Variants in TSPAN9 observed in about 807,000 individuals in gnomAD.
The protein encoded by TSPAN9 is tetraspanin-9.
In TSPAN9, 16 loss-of-function variants were observed where a neutral mutation model predicts 31.0. The observed-to-expected ratio is 0.52, with a 90% CI of 0.35 to 0.78. The LOEUF (loss-of-function observed/expected upper bound fraction) is 0.78. Among genes scored for constraint, TSPAN9 ranks in the 30% least tolerant of loss-of-function variants. The probability of loss-of-function intolerance (pLI) is 0.01; values close to 1 mark genes in which losing one functional copy is unlikely to be tolerated. For synonymous variants in TSPAN9, 145 were observed against 121.6 expected (o/e 1.19, Z -1.27); for missense variants, 272 against 312.5 (o/e 0.87, Z 0.98).
rs148244445 is a variant in TSPAN9, at chr12:3,143,043, A to G, written c.-17-58134A>G. Among the ~76,000 whole-genome samples the G allele has an allele frequency of 3.8e-3, 572 of 151,714 alleles. 2 individuals carry two copies. Among genetic ancestry groups the G allele is most frequent in the African/African-American group, 0.013 (549 of 41,314 alleles). On this transcript the variant is annotated intron_variant, in intron 2 of 8. Transcript: ENST00000011898. The surrounding 1 kb of genome is among the most constrained non-coding windows in gnomAD (Gnocchi z 4.2). ...GTTTTTCACTCTGGCTCTGTCTGGC[A>G]TTTTCTCATGGTTAGACTGAGGTTC...
chr12:3,111,518 A>C (rs2098318668), intron 2 of TSPAN9, among the ~76,000 whole-genome samples: 1 of 152,056 alleles, frequency 6.6e-6, no homozygotes, highest in Non-Finnish European at 1.5e-5. Context: ...TGAGATATGT[A>C]TTTAAAACTG....
At position 3,168,115 on chromosome 12, in the gene TSPAN9, C is replaced by T. The variant is rs141653191; in HGVS notation, c.-17-33062C>T. Among the ~76,000 whole-genome samples, 427 of 152,242 alleles carry T rather than the reference C, an allele frequency of 2.8e-3. 2 individuals carry two copies. The highest frequency in any genetic ancestry group is 9.7e-3 in the African/African-American group (402 of 41,530). On this transcript the variant is annotated intron_variant, in intron 2 of 8. Transcript: ENST00000011898. This position sits in a 1 kb window ranked among gnomAD's most constrained non-coding sequence, Gnocchi z 4.0. The stretch of plus-strand genomic sequence containing the variant: ...CATTCTGTGCCACAGAAGCCCAGGC[C>T]GGGGGAGACCACACCACCGTTCCAC...
chr12:3,111,629 A>G (rs930956609), intron 2 of TSPAN9, among the ~76,000 whole-genome samples: 4 of 141,034 alleles, frequency 2.8e-5, no homozygotes, highest in South Asian at 2.3e-4. Flanking sequence ...TTTTTTTGAG[A>G]CAGAGACAGA....
At chr12:3,178,230 C>T (rs1226087648) in intron 2 of TSPAN9, among the ~76,000 whole-genome samples, 3 of 152,092 alleles carry the variant, frequency 2.0e-5, no homozygotes, top group African/African-American at 7.2e-5. Flanking sequence ...TTTTTCCCTC[C>T]ATTTGCATTT....
intron 2 of TSPAN9, among the ~76,000 whole-genome samples, chr12:3,100,696 G>A (rs2098311486): frequency 6.6e-6 from 1 of 152,178 alleles, no homozygotes; most frequent in Non-Finnish European, 1.5e-5. Context: ...ATTTCCTGGT[G>A]TCATCCTTCT....
intron 2 of TSPAN9, among the ~76,000 whole-genome samples, chr12:3,120,449 C>G (rs1226573214): frequency 6.6e-6 from 1 of 152,184 alleles, no homozygotes; most frequent in African/African-American, 2.4e-5. Flanking sequence ...GCCTGCTCTC[C>G]CCACTCCTGT....
At chr12:3,149,508 G>A (rs2098338860) in intron 2 of TSPAN9, among the ~76,000 whole-genome samples, 1 of 152,180 alleles carries the variant, frequency 6.6e-6, no homozygotes, top group African/African-American at 2.4e-5. Context: ...TTCTTGGCCA[G>A]ACCTCAGTTT....
In TSPAN9 at chr12:3,170,001, T is replaced by G; in HGVS notation, c.-17-31176T>G. 6.9e-6 allele frequency among the ~76,000 whole-genome samples: 1 copy of G among 145,058 alleles called. No homozygotes were observed. On this transcript the variant is annotated intron_variant, in intron 2 of 8. Coordinates refer to ENST00000011898, the MANE Select transcript of TSPAN9 (RefSeq NM_006675.5). This position sits in a 1 kb window ranked among gnomAD's most constrained non-coding sequence, Gnocchi z 4.4. ...AAGAGCCCTGATGGAGGAGTCAGAA[T>G]GTCTTGGGGTGGGGGTGGGGGCATC... is the stretch of plus-strand genomic sequence containing the variant.
At chr12:3,113,414 G>A (rs1213050536) in intron 2 of TSPAN9, among the ~76,000 whole-genome samples, 6 of 152,188 alleles carry the variant, frequency 3.9e-5, no homozygotes, top group Non-Finnish European at 7.3e-5. Flanking sequence ...ATCAGGTCCT[G>A]AGGCCATGAT....
intron 3 of TSPAN9, among the ~76,000 whole-genome samples, chr12:3,260,174 C>T (rs1210597007): frequency 6.6e-6 from 1 of 152,228 alleles, no homozygotes; most frequent in Non-Finnish European, 1.5e-5. Flanking sequence ...ATGGGGGTGG[C>T]CCCTCAGGGC....
chr12:3,092,795 C>T (rs998051735), intron 2 of TSPAN9, among the ~76,000 whole-genome samples: 2 of 152,198 alleles, frequency 1.3e-5, no homozygotes, highest in South Asian at 2.1e-4. Flanking sequence ...ACTCCCTGGG[C>T]GCTGAGGATT....
intron 3 of TSPAN9, among the ~76,000 whole-genome samples, chr12:3,207,773 G>A (rs2098376092): frequency 6.6e-6 from 1 of 150,756 alleles, no homozygotes; most frequent in South Asian, 2.1e-4. Context: ...CTGTTTTAGT[G>A]GCTGGTGGGG....
chr12:3,110,273 C>T (rs962167114), intron 2 of TSPAN9, among the ~76,000 whole-genome samples: 2 of 152,134 alleles, frequency 1.3e-5, no homozygotes, highest in South Asian at 2.1e-4. Context: ...ACAGGAATTC[C>T]GTTTTAGATC....
Position 3,129,301 on chromosome 12 carries a change from A to C in TSPAN9, c.-18+45582A>C, listed in dbSNP as rs2098328733. Among the ~76,000 whole-genome samples the C allele has an allele frequency of 5.3e-5, 8 of 152,338 alleles. No individual in the cohort carries two copies. The South Asian group carries it at 1.7e-3, about 32-fold the overall frequency. On this transcript the variant is annotated intron_variant, in intron 2 of 8. Transcript: ENST00000011898. ...TGCACACCCACCCACAGGACTTTGC[A>C]CAACCGAAATGGATGCACGTGTTAG...
intron 2 of TSPAN9, among the ~76,000 whole-genome samples, chr12:3,136,749 C>T (rs1213971087): frequency 6.6e-6 from 1 of 152,190 alleles, no homozygotes; most frequent in Non-Finnish European, 1.5e-5. Context: ...AGTAAGTAAA[C>T]AGGAGCTGGA....
At chr12:3,238,839 G>T (rs112072495) in intron 3 of TSPAN9, among the ~76,000 whole-genome samples, 4 of 152,340 alleles carry the variant, frequency 2.6e-5, no homozygotes, top group African/African-American at 9.6e-5. Flanking sequence ...TGGGCATGCA[G>T]CATACGTAGG....
chr12:3,224,614 G>T (rs2098386216), intron 3 of TSPAN9, among the ~76,000 whole-genome samples: 1 of 152,232 alleles, frequency 6.6e-6, no homozygotes, highest in Non-Finnish European at 1.5e-5. Flanking sequence ...GGGAAGCTGT[G>T]CCCAGAGGGG....
intron 2 of TSPAN9, among the ~76,000 whole-genome samples, chr12:3,129,851 C>T (rs2098328999): frequency 6.6e-6 from 1 of 152,098 alleles, no homozygotes; most frequent in Non-Finnish European, 1.5e-5. Context: ...GCCAGCTGTC[C>T]CTCGGGGAAG....
chr12:3,154,778 T>C (rs1454858424), intron 2 of TSPAN9, among the ~76,000 whole-genome samples: 5 of 152,234 alleles, frequency 3.3e-5, no homozygotes, highest in Admixed American at 3.3e-4. Flanking sequence ...GCATCTGCAC[T>C]CCAGGCCTGA....
Sources: gnomAD v4.1 joint callset for allele counts (sites outside exome capture counted in the v4.1 genomes callset) on GRCh38, gnomAD v4.1.1 for gene constraint, Gnocchi (gnomAD v3.1) non-coding constraint, MANE v1.5 for transcripts, NCBI Gene and HGNC (gene_info 2026-07-23, HGNC 2026-07-21) for gene names.